RBFOX1: variants seen among roughly 807,000 people sequenced by gnomAD.
RBFOX1 encodes RNA binding protein fox-1 homolog 1.
RBFOX1 carries 8 observed loss-of-function variants against 57.7 expected under a neutral mutation model. The observed-to-expected ratio is 0.14, with a 90% confidence interval of 0.08 to 0.25. The LOEUF (loss-of-function observed/expected upper bound fraction) is 0.25. Ranked by LOEUF, RBFOX1 falls within the 10% of genes least tolerant of loss-of-function variation. The pLI, the probability that RBFOX1 is intolerant of heterozygous loss-of-function variation, is 1.00. For missense variants in RBFOX1, 611 were observed against 548.5 expected (o/e 1.11, Z -1.14); for synonymous variants, 326 against 222.4 (o/e 1.47, Z -4.15).
At chr16:5,866,915 C>A (rs1275687232) in intron 3 of RBFOX1, among the ~76,000 whole-genome samples, 2 of 152,124 alleles carry the variant, frequency 1.3e-5, no homozygotes, top group Non-Finnish European at 1.5e-5. Context: ...ATAACACTGA[C>A]TTGAAACTTT....
intron 1 of RBFOX1, among the ~76,000 whole-genome samples, chr16:5,455,637 C>G (rs1412337312): frequency 6.6e-6 from 1 of 152,188 alleles, no homozygotes; most frequent in African/African-American, 2.4e-5. Flanking sequence ...TTCTCTCACG[C>G]AGACCCATTA....
At chr16:7,169,592 C>T (rs923178908) in intron 4 of RBFOX1, among the ~76,000 whole-genome samples, 2 of 152,154 alleles carry the variant, frequency 1.3e-5, no homozygotes, top group African/African-American at 4.8e-5. Flanking sequence ...CACATTCCTA[C>T]CAGGTAGGTG....
chr16:6,667,275 T>C (rs2098738913), intron 3 of RBFOX1, among the ~76,000 whole-genome samples: 1 of 152,120 alleles, frequency 6.6e-6, no homozygotes, highest in African/African-American at 2.4e-5. Flanking sequence ...CCAGAGAGTG[T>C]AATGAAAAGC....
At chr16:6,898,640 C>G (rs755106043) in intron 3 of RBFOX1, among the ~76,000 whole-genome samples, 6 of 152,048 alleles carry the variant, frequency 3.9e-5, no homozygotes, top group Non-Finnish European at 8.8e-5. Flanking sequence ...TGGAGTGTTT[C>G]TGAAAGAGAT....
chr16:5,469,183 A>G (rs962755706), intron 2 of RBFOX1, among the ~76,000 whole-genome samples: 4 of 152,272 alleles, frequency 2.6e-5, no homozygotes, highest in Non-Finnish European at 4.4e-5. Flanking sequence ...TCTCAGGTGC[A>G]GCTGCCTTCA....
chr16:6,174,683 G>A (rs1401315693), intron 1 of RBFOX1, among the ~76,000 whole-genome samples: 2 of 151,702 alleles, frequency 1.3e-5, no homozygotes, highest in African/African-American at 4.8e-5. Context: ...TTGTAGATCT[G>A]CTCTGATTCT....
chr16:6,428,011 G>C (rs771409119), intron 2 of RBFOX1, among the ~76,000 whole-genome samples: 7 of 152,094 alleles, frequency 4.6e-5, no homozygotes, highest in African/African-American at 1.7e-4. Context: ...GGCCGGGCAC[G>C]GTGGCTCATG....
At chr16:6,450,293 G>A (rs989755949) in intron 2 of RBFOX1, among the ~76,000 whole-genome samples, 2 of 152,100 alleles carry the variant, frequency 1.3e-5, no homozygotes, top group East Asian at 1.9e-4. Context: ...TGAAGCTCCC[G>A]ATAAAGAGAG....
chr16:7,353,487 G>C (rs1245336735), intron 4 of RBFOX1, among the ~76,000 whole-genome samples: 2 of 152,084 alleles, frequency 1.3e-5, no homozygotes, highest in African/African-American at 4.8e-5. Flanking sequence ...AAAAACATAT[G>C]TGTACACAAA....
intron 2 of RBFOX1, among the ~76,000 whole-genome samples, chr16:6,438,698 T>C (rs2094301051): frequency 6.6e-6 from 1 of 152,150 alleles, no homozygotes; most frequent in Non-Finnish European, 1.5e-5. Context: ...AAGAGGCAGA[T>C]GTTCGGGCTT....
At chr16:7,639,702 T>C (rs1393555870) in intron 11 of RBFOX1, among the ~76,000 whole-genome samples, 2 of 152,160 alleles carry the variant, frequency 1.3e-5, no homozygotes, top group South Asian at 2.1e-4. Flanking sequence ...AGCACTGCCA[T>C]TGGGGTGCCT....
At chr16:5,699,036 G>T (rs1404284003) in intron 3 of RBFOX1, among the ~76,000 whole-genome samples, 1 of 142,144 alleles carries the variant, frequency 7.0e-6, no homozygotes, top group East Asian at 2.1e-4. Flanking sequence ...TGCCCGGGCT[G>T]GAATGCGATG....
intron 1 of RBFOX1, among the ~76,000 whole-genome samples, chr16:6,050,459 A>G (rs1021388285): frequency 1.1e-4 from 16 of 152,150 alleles, no homozygotes; most frequent in African/African-American, 3.9e-4. Context: ...CTTTTAAATT[A>G]GTCTAGGTCA....
intron 4 of RBFOX1, among the ~76,000 whole-genome samples, chr16:7,099,336 G>C (rs190315349): frequency 6.6e-6 from 1 of 152,230 alleles, no homozygotes; most frequent in East Asian, 1.9e-4. Context: ...AACTCATTTT[G>C]TACCAGCTTC....
At chr16:6,595,420 G>A (rs72762935) in intron 2 of RBFOX1, among the ~76,000 whole-genome samples, 6,210 of 152,164 alleles carry the variant, frequency 0.041, 182 homozygotes, top group Non-Finnish European at 0.061. Flanking sequence ...ATAATATTAC[G>A]TTATATAAAT....
At chr16:6,581,384 G>C (rs1255574503) in intron 2 of RBFOX1, among the ~76,000 whole-genome samples, 1 of 152,054 alleles carries the variant, frequency 6.6e-6, no homozygotes, top group Non-Finnish European at 1.5e-5. Flanking sequence ...AGTCTTTTAG[G>C]GTGCTTTATT....
At chr16:7,193,293 C>T (rs72636218) in intron 4 of RBFOX1, among the ~76,000 whole-genome samples, 7 of 152,072 alleles carry the variant, frequency 4.6e-5, no homozygotes. Context: ...GAGCCAAAAG[C>T]AGCAGGCTGC....
chr16:6,914,174 C>G (rs549236260), intron 3 of RBFOX1, among the ~76,000 whole-genome samples: 6 of 152,256 alleles, frequency 3.9e-5, no homozygotes, highest in African/African-American at 1.2e-4. Flanking sequence ...TGATTTCAGA[C>G]CAGATCATCA....
chr16:7,477,197 G>T (rs534800939), intron 4 of RBFOX1, among the ~76,000 whole-genome samples: 16 of 152,146 alleles, frequency 1.1e-4, no homozygotes, highest in Non-Finnish European at 1.8e-4. Flanking sequence ...GCTAAAATCG[G>T]TATATCTGTC....
Sources: allele counts gnomAD v4.1 joint callset (sites outside exome capture counted in the v4.1 genomes callset), GRCh38; gene constraint gnomAD v4.1.1; transcripts MANE v1.5; gene names NCBI Gene and HGNC (gene_info 2026-07-23, HGNC 2026-07-21).